HMMR: variants seen among roughly 807,000 people sequenced by gnomAD.
HMMR encodes intracellular hyaluronic acid-binding protein.
HMMR carries 108 observed loss-of-function variants against 101.0 expected under a neutral mutation model. The observed-to-expected ratio is 1.07, with a 90% CI of 0.92 to 1.25. HMMR has a LOEUF of 1.25. Ranked by LOEUF, HMMR falls within the 50% of genes most tolerant of loss-of-function variation. The pLI is 0.00. For missense variants in HMMR, 813 were observed against 788.7 expected (o/e 1.03, Z -0.37); for synonymous variants, 296 against 276.4 (o/e 1.07, Z -0.70).
chr5:163,483,973 T>C, intron 15 of HMMR, 96 bp from the exon 16 acceptor site: 2 of 667,252 alleles, frequency 3.0e-6, no homozygotes, highest in Admixed American at 3.3e-5. Flanking sequence ...TTGTTTTCAT[T>C]TGTGTTTTTA....
chr5:163,467,309 T>G (rs185667473), intron 3 of HMMR, among the ~76,000 whole-genome samples: 489 of 152,350 alleles, frequency 3.2e-3, no homozygotes, highest in Non-Finnish European at 3.9e-3. Flanking sequence ...ATCTGTATAT[T>G]TTCCTCTTCG....
chr5:163,474,704 A>G, intron 10 of HMMR: 1 of 397,924 alleles, frequency 2.5e-6, no homozygotes, highest in South Asian at 1.8e-5. Flanking sequence ...AAGTAGAAAT[A>G]ATATTTTTTT....
chr5:163,488,057 T>C (rs1457967541), intron 16 of HMMR, among the ~76,000 whole-genome samples: 3 of 152,182 alleles, frequency 2.0e-5, no homozygotes, highest in Non-Finnish European at 4.4e-5. Context: ...AGTTTTGCCA[T>C]GTTGCCCAGG....
intron 9 of HMMR, 33 bp downstream of exon 9, chr5:163,473,590 A>G: frequency 2.9e-6 from 4 of 1,379,764 alleles, no homozygotes; most frequent in South Asian, 2.7e-5. Context: ...CTTTGTTTAG[A>G]TAAGTGTTAC....
At chr5:163,482,961 G>T in intron 13 of HMMR, 59 bp from the exon 14 acceptor site, 2 of 1,472,610 alleles carry the variant, frequency 1.4e-6, no homozygotes, top group South Asian at 1.4e-5. Context: ...AAAAAAAAAG[G>T]AAAAATTAAT....
At chr5:163,481,238 TAA>T (rs1216831346) in intron 12 of HMMR, among the ~76,000 whole-genome samples, 3 of 151,762 alleles carry the variant, frequency 2.0e-5, no homozygotes, top group Non-Finnish European at 4.4e-5. Context: ...AAATAATTTA[TAA>T]GTGTATATGT....
At chr5:163,481,955 G>T (rs185909442) in intron 12 of HMMR, among the ~76,000 whole-genome samples, 6 of 151,858 alleles carry the variant, frequency 4.0e-5, no homozygotes, top group African/African-American at 1.2e-4. Flanking sequence ...CGCTCTTGTT[G>T]CCCAGGCTGG....
At position 163,464,818 on chromosome 5, in the gene HMMR, A is replaced by G. The variant is rs1378296397; in HGVS notation, c.225+16A>G. On this transcript the variant is annotated intron_variant, in intron 3 of 17. Transcript: ENST00000393915. ...GGAATCAAAGGTGAGGAGCTTTTAT[A>G]TGCCAGCTGGTTTATCAAGTGTATC... is the stretch of plus-strand genomic sequence containing the variant. The G allele has an allele frequency of 1.3e-6, 2 of 1,527,034 alleles. No homozygotes were observed. Among genetic ancestry groups the G allele is most frequent in the Non-Finnish European group, 1.8e-6 (2 of 1,101,786 alleles). The allele number at this position is 1,527,034 out of a possible 1,614,324, so 94.6% of individuals were successfully genotyped here.
chr5:163,483,329 C>T lies in HMMR; in HGVS notation c.1747C>T (p.Leu583Phe). The T allele has an allele frequency of 6.2e-7, 1 of 1,607,292 alleles. No homozygotes were observed. The highest frequency in any genetic ancestry group is 2.2e-5 in the East Asian group (1 of 44,782). Residue 583 changes from leucine (L) to phenylalanine (F), a missense_variant, in exon 15 of 18, where the codon CTC becomes TTC. By Grantham distance (22) the Leu-to-Phe change is conservative. Coordinates refer to ENST00000393915, the MANE Select transcript of HMMR (RefSeq NM_001142556.2). ...TGAAGAAATTAACAAGTGGCGTCTCCTCTATGAAGAACTATATAATAAAAC... is the reference window on the plus strand; with the variant it reads ...TGAAGAAATTAACAAGTGGCGTCTCTTCTATGAAGAACTATATAATAAAAC... Reference protein sequence around the residue: ...LTEEINKWRLLYEELYNKTKP... With the variant: ...LTEEINKWRLFYEELYNKTKP...
At chr5:163,476,599 A>C (rs1759076924) in intron 11 of HMMR, among the ~76,000 whole-genome samples, 1 of 152,136 alleles carries the variant, frequency 6.6e-6, no homozygotes, top group Admixed American at 6.5e-5. Context: ...TATACCTGTT[A>C]ATAGCCATGG....
chr5:163,467,783 A>G (rs1324132700), intron 4 of HMMR, 35 bp downstream of exon 4: 1 of 1,248,818 alleles, frequency 8.0e-7, no homozygotes, highest in Non-Finnish European at 1.2e-6. Flanking sequence ...AAAAGTACAC[A>G]TGATAGAAAG....
intron 2 of HMMR, 132 bp downstream of exon 2, chr5:163,464,086 G>T: frequency 2.4e-6 from 1 of 417,896 alleles, no homozygotes; most frequent in Non-Finnish European, 4.3e-6. Flanking sequence ...TTATTTGATG[G>T]ATTTATGAAA....
chr5:163,475,040 T>C (rs1759024570), intron 10 of HMMR, among the ~76,000 whole-genome samples: 1 of 152,106 alleles, frequency 6.6e-6, no homozygotes, highest in Non-Finnish European at 1.5e-5. Context: ...AATATTAACA[T>C]CATTTGTAAT....
At chr5:163,466,066 C>T (rs1233278951) in intron 3 of HMMR, among the ~76,000 whole-genome samples, 1 of 151,688 alleles carries the variant, frequency 6.6e-6, no homozygotes, top group African/African-American at 2.4e-5. Context: ...GAGTTCGAGA[C>T]CAGCCTGACC....
At chr5:163,467,575 T>TACAC in intron 3 of HMMR, 126 bp from the exon 4 acceptor site, 1 of 561,082 alleles carries the variant, frequency 1.8e-6, no homozygotes, top group Non-Finnish European at 3.3e-6. Context: ...TGTTTAACAG[T>TACAC]GTAATGTTTA....
At chr5:163,466,429 C>T (rs1211564551) in intron 3 of HMMR, among the ~76,000 whole-genome samples, 1 of 152,078 alleles carries the variant, frequency 6.6e-6, no homozygotes, top group African/African-American at 2.4e-5. Context: ...GAAGCATAGC[C>T]ACATGTGTCT....
chr5:163,475,150 G>A (rs1470969938), intron 10 of HMMR, among the ~76,000 whole-genome samples: 1 of 151,824 alleles, frequency 6.6e-6, no homozygotes, highest in Non-Finnish European at 1.5e-5. Flanking sequence ...TACATAATAT[G>A]TGAAAAATAA....
intron 16 of HMMR, among the ~76,000 whole-genome samples, chr5:163,486,882 C>A (rs1034494771): frequency 6.6e-6 from 1 of 152,190 alleles, no homozygotes; most frequent in African/African-American, 2.4e-5. Flanking sequence ...AGTTTGAGAC[C>A]AGCCTGGCCA....
chr5:163,479,103 C>T (rs1218993525), intron 12 of HMMR, among the ~76,000 whole-genome samples: 1 of 152,178 alleles, frequency 6.6e-6, no homozygotes, highest in African/African-American at 2.4e-5. Flanking sequence ...GTGGGAGGAT[C>T]AAGTCATGTA....
Sources: gnomAD v4.1 joint callset for allele counts (sites outside exome capture counted in the v4.1 genomes callset) on GRCh38, gnomAD v4.1.1 for gene constraint, MANE v1.5 for transcripts, NCBI Gene and HGNC (gene_info 2026-07-23, HGNC 2026-07-21) for gene names.